Variants in BAIAP2L1 observed in about 807,000 individuals in gnomAD.
The protein encoded by BAIAP2L1 is BAR/IMD domain containing adaptor protein 2 like 1, also known as BAR/IMD domain-containing adapter protein 2-like 1.
BAIAP2L1 carries 35 observed loss-of-function variants against 66.3 expected under a neutral mutation model. The observed-to-expected ratio is 0.53, with a 90% CI of 0.40 to 0.70. The LOEUF (loss-of-function observed/expected upper bound fraction) is 0.70. Ranked by LOEUF, BAIAP2L1 falls within the 30% of genes least tolerant of loss-of-function variation. The probability of loss-of-function intolerance (pLI) is 0.00; values close to 1 mark genes in which losing one functional copy is unlikely to be tolerated. For synonymous variants in BAIAP2L1, 269 were observed against 248.7 expected, an observed-to-expected ratio of 1.08 and a Z score of -0.77; for missense variants, 622 against 656.9, an observed-to-expected ratio of 0.95 and a Z score of 0.58.
intron 1 of BAIAP2L1, among the ~76,000 whole-genome samples, chr7:98,396,366 G>C (rs1803209373): frequency 6.6e-6 from 1 of 152,180 alleles, no homozygotes; most frequent in Non-Finnish European, 1.5e-5. Flanking sequence ...ACCGCTCCTA[G>C]CCTCATTTTA....
At chr7:98,300,179 G>A (rs527332032) in intron 12 of BAIAP2L1, among the ~76,000 whole-genome samples, 8 of 152,298 alleles carry the variant, frequency 5.3e-5, no homozygotes, top group Admixed American at 1.3e-4. Flanking sequence ...TGTGCTGCTC[G>A]TCTCTGACAC....
At position 98,292,450 on chromosome 7, in the gene BAIAP2L1, C is replaced by G; in HGVS notation, c.*1071G>C. On this transcript the variant is annotated 3_prime_UTR_variant, in exon 14 of 14. Coordinates refer to ENST00000005260, the MANE Select transcript of BAIAP2L1 (RefSeq NM_018842.5). ...CGGCCTCACAAAATGCTGGGATTCCCGTACCTGGGCCGGGCTGGGAATTTT... is the reference window on the plus strand; with the variant it reads ...CGGCCTCACAAAATGCTGGGATTCCGGTACCTGGGCCGGGCTGGGAATTTT... 1.7e-6 allele frequency: 1 copy of G among 602,954 alleles called. No individual in the cohort carries two copies. Among genetic ancestry groups the G allele is most frequent in the South Asian group, 2.1e-5 (1 of 46,854 alleles). 37.4% of individuals were successfully genotyped at this position (602,954 alleles called of 1,614,324 possible).
chr7:98,371,928 G>C (rs1401681071), intron 1 of BAIAP2L1, among the ~76,000 whole-genome samples: 1 of 151,822 alleles, frequency 6.6e-6, no homozygotes, highest in Admixed American at 6.6e-5. Context: ...CCGAGTAGCT[G>C]AGACTACAGA....
chr7:98,345,901 A>C (rs901102735), intron 3 of BAIAP2L1, among the ~76,000 whole-genome samples: 6 of 151,902 alleles, frequency 3.9e-5, no homozygotes, highest in Middle Eastern at 3.4e-3. Context: ...AAAATCATTT[A>C]TAGGATGGCT....
rs1040610297 is a variant in BAIAP2L1, at chr7:98,362,521, T to A, written c.52-89A>T. 3 of 1,014,810 alleles carry A rather than the reference T, an allele frequency of 3.0e-6. No individual in the cohort carries two copies. The Admixed American group carries it at 6.4e-5, about 22-fold the overall frequency. The allele number at this position is 1,014,810 out of a possible 1,614,324, so 62.9% of individuals were successfully genotyped here. On this transcript the variant is annotated intron_variant, in intron 1 of 13. Transcript: ENST00000005260. ...TTGTCACTGTGTGGCCCAGGATAGC[T>A]ATGGATGCCTAACAGCACAGTCTAC...
intron 3 of BAIAP2L1, among the ~76,000 whole-genome samples, chr7:98,330,885 C>G (rs531431203): frequency 6.6e-6 from 1 of 152,186 alleles, no homozygotes; most frequent in South Asian, 2.1e-4. Flanking sequence ...TGAGAACTCA[C>G]TTATTACTGC....
At chr7:98,313,791 A>ACT (rs200208619) in intron 7 of BAIAP2L1, among the ~76,000 whole-genome samples, 32 of 133,760 alleles carry the variant, frequency 2.4e-4, no homozygotes, top group African/African-American at 9.0e-4. Context: ...GCTAATTAAA[A>ACT]CTTTTTTTTT....
At chr7:98,296,970 T>TG (rs1800217387) in intron 12 of BAIAP2L1, among the ~76,000 whole-genome samples, 1 of 152,166 alleles carries the variant, frequency 6.6e-6, no homozygotes, top group African/African-American at 2.4e-5. Flanking sequence ...TCCCTTTCCT[T>TG]GCAGTGGGGG....
intron 1 of BAIAP2L1, among the ~76,000 whole-genome samples, chr7:98,386,979 G>A (rs1013492423): frequency 8.6e-5 from 13 of 152,022 alleles, no homozygotes; most frequent in Admixed American, 5.2e-4. Flanking sequence ...GATTACAGGC[G>A]TGAGCCACCG....
chr7:98,342,321 T>C (rs1248313071), intron 3 of BAIAP2L1, among the ~76,000 whole-genome samples: 1 of 152,114 alleles, frequency 6.6e-6, no homozygotes, highest in African/African-American at 2.4e-5. Flanking sequence ...AGTGCTAGGA[T>C]TACAGGTGTG....
intron 9 of BAIAP2L1, 40 bp from the exon 10 acceptor site, chr7:98,307,936 T>A: frequency 1.3e-6 from 2 of 1,590,480 alleles, no homozygotes; most frequent in Non-Finnish European, 1.7e-6. Flanking sequence ...TTTCAAAGCA[T>A]GAGAATCAAT....
chr7:98,307,138 G>A (rs1370745934), intron 10 of BAIAP2L1: 1 of 162,306 alleles, frequency 6.2e-6, no homozygotes, highest in Non-Finnish European at 1.4e-5. Context: ...TTGAGACAGA[G>A]TCTTGCTCTG....
At chr7:98,327,306 A>C (rs539999547) in intron 3 of BAIAP2L1, among the ~76,000 whole-genome samples, 9 of 152,034 alleles carry the variant, frequency 5.9e-5, no homozygotes, top group Non-Finnish European at 1.3e-4. Context: ...GGTTGCAGTA[A>C]GCTGAGATCA....
At chr7:98,348,475 G>A (rs532804673) in intron 3 of BAIAP2L1, among the ~76,000 whole-genome samples, 18 of 150,678 alleles carry the variant, frequency 1.2e-4, no homozygotes, top group African/African-American at 2.9e-4. Context: ...GATGCATCAC[G>A]AGAATCGCTT....
At chr7:98,393,204 T>C (rs927592503) in intron 1 of BAIAP2L1, among the ~76,000 whole-genome samples, 3 of 151,020 alleles carry the variant, frequency 2.0e-5, no homozygotes, top group African/African-American at 7.3e-5. Flanking sequence ...TATATATATA[T>C]GTAATTTTTG....
At chr7:98,353,137 T>C (rs1336396269) in intron 3 of BAIAP2L1, among the ~76,000 whole-genome samples, 1 of 151,418 alleles carries the variant, frequency 6.6e-6, no homozygotes, top group South Asian at 2.1e-4. Flanking sequence ...ACATGCAGGA[T>C]TATGGCACCA....
intron 2 of BAIAP2L1, among the ~76,000 whole-genome samples, chr7:98,360,146 C>G (rs1802236289): frequency 6.6e-6 from 1 of 151,994 alleles, no homozygotes; most frequent in Non-Finnish European, 1.5e-5. Context: ...TGGTTTCGAA[C>G]TTCTGACCTC....
At chr7:98,357,617 G>T (rs1335995264) in intron 2 of BAIAP2L1, among the ~76,000 whole-genome samples, 1 of 150,422 alleles carries the variant, frequency 6.6e-6, no homozygotes, top group African/African-American at 2.4e-5. Context: ...AAAAGTTATG[G>T]TTTTTACCAT....
intron 8 of BAIAP2L1, among the ~76,000 whole-genome samples, chr7:98,311,715 G>A (rs1800877957): frequency 6.6e-6 from 1 of 151,640 alleles, no homozygotes; most frequent in South Asian, 2.1e-4. Context: ...AGACCAGCCT[G>A]ACCAACATGG....
Sources: gnomAD v4.1 joint callset for allele counts (sites outside exome capture counted in the v4.1 genomes callset) on GRCh38, gnomAD v4.1.1 for gene constraint, MANE v1.5 for transcripts, NCBI Gene and HGNC (gene_info 2026-07-23, HGNC 2026-07-21) for gene names.